Variants in QSOX2 observed in about 807,000 individuals in gnomAD.
QSOX2 encodes quiescin sulfhydryl oxidase 2.
Under a neutral mutation model 61.7 loss-of-function variants are expected in QSOX2, and 46 were observed. That is an observed-to-expected ratio of 0.75 (90% confidence interval 0.59 to 0.95). QSOX2 has a LOEUF of 0.95. QSOX2 is among the 40% of genes least tolerant of loss of function. QSOX2 has a pLI of 0.00. For synonymous variants in QSOX2, 383 were observed against 388.4 expected, an observed-to-expected ratio of 0.99 and a Z score of 0.16; for missense variants, 879 against 918.9, an observed-to-expected ratio of 0.96 and a Z score of 0.56.
intron 1 of QSOX2, among the ~76,000 whole-genome samples, chr9:136,239,612 G>A (rs761291864): frequency 3.9e-5 from 6 of 152,262 alleles, no homozygotes; most frequent in African/African-American, 9.6e-5. Context: ...ACTGCAGGGC[G>A]AGGGAAGTCC....
chr9:136,224,728 A>C (rs1174368936), intron 3 of QSOX2, 133 bp downstream of exon 3: 6 of 545,064 alleles, frequency 1.1e-5, no homozygotes, highest in Non-Finnish European at 2.0e-5. Flanking sequence ...TCTTAAGGGA[A>C]AGCAGGCAGG....
chr9:136,231,038 G>A (rs1830324548), intron 1 of QSOX2, among the ~76,000 whole-genome samples: 1 of 152,180 alleles, frequency 6.6e-6, no homozygotes, highest in Non-Finnish European at 1.5e-5. Context: ...GCCTCCGACC[G>A]GCCTTGTTTC....
chr9:136,208,393 T>TGTG lies in QSOX2; in HGVS notation c.*332_*334dup, dbSNP rs1005624996. 5 of 194,750 alleles carry TGTG rather than the reference T, an allele frequency of 2.6e-5. No homozygotes were observed. Among genetic ancestry groups the TGTG allele is most frequent in the Non-Finnish European group, 4.1e-5 (4 of 97,158 alleles). 12.1% of individuals were successfully genotyped at this position (194,750 alleles called of 1,614,324 possible). A position where few individuals can be genotyped will look rare whatever the true frequency, so the allele number is the denominator to read the frequency against. ...GAGTGGAGGAAACGAGATGAAAGTG[T>TGTG]GTGGGGAAGACTATCTGGCCTGGAC... On this transcript the variant is annotated 3_prime_UTR_variant, in exon 12 of 12. Coordinates refer to ENST00000358701, the MANE Select transcript of QSOX2 (RefSeq NM_181701.4).
chr9:136,238,032 C>T (rs1043472300), intron 1 of QSOX2, among the ~76,000 whole-genome samples: 9 of 152,136 alleles, frequency 5.9e-5, no homozygotes, highest in South Asian at 2.1e-4. Context: ...ATGAGGTCGG[C>T]GAGCTCACGA....
chr9:136,210,989 C>G (rs992540363), intron 11 of QSOX2: 1 of 769,274 alleles, frequency 1.3e-6, no homozygotes, highest in Non-Finnish European at 1.6e-6. Flanking sequence ...CAGTGGGTAC[C>G]GATGGGGGAA....
In QSOX2 at chr9:136,221,040, C is replaced by T. The variant is rs188751711; in HGVS notation, c.821+756G>A. ...TCATTGGGCTTATCCGAGGGGCACA[C>T]AGGCACTCCACGCAGAGGCAAAGGG... On this transcript the variant is annotated intron_variant, in intron 6 of 11. Coordinates refer to ENST00000358701, the MANE Select transcript of QSOX2 (RefSeq NM_181701.4). This position sits in a 1 kb window ranked among gnomAD's most constrained non-coding sequence, Gnocchi z 4.5. Among the ~76,000 whole-genome samples, 69 of 152,332 alleles carry T rather than the reference C, an allele frequency of 4.5e-4. No homozygotes were observed. Among genetic ancestry groups the T allele is most frequent in the Admixed American group, 2.2e-3 (33 of 15,308 alleles).
At chr9:136,236,759 G>C (rs1830386270) in intron 1 of QSOX2, among the ~76,000 whole-genome samples, 1 of 151,788 alleles carries the variant, frequency 6.6e-6, no homozygotes, top group African/African-American at 2.4e-5. Flanking sequence ...CCCGTCCTGG[G>C]CCAGCGTCAC....
intron 6 of QSOX2, 124 bp from the exon 7 acceptor site, chr9:136,219,288 G>A (rs1831953448): frequency 8.3e-7 from 1 of 1,210,238 alleles, no homozygotes; most frequent in East Asian, 2.5e-5. Flanking sequence ...TTGGGGCATG[G>A]GAGTCAGTGG....
chr9:136,240,167 C>T (rs1013051518), intron 1 of QSOX2, among the ~76,000 whole-genome samples: 1 of 152,236 alleles, frequency 6.6e-6, no homozygotes, highest in Non-Finnish European at 1.5e-5. Flanking sequence ...AATGAGACCG[C>T]AGGCCTATTC....
At chr9:136,226,922 G>C (rs752223419) in intron 1 of QSOX2, 48 bp from the exon 2 acceptor site, 1 of 1,540,258 alleles carries the variant, frequency 6.5e-7, no homozygotes, top group South Asian at 1.1e-5. Context: ...CTGGACTCCC[G>C]GGAAGCCCAG....
intron 8 of QSOX2, 102 bp from the exon 9 acceptor site, chr9:136,216,824 A>G (rs1831919983): frequency 6.9e-7 from 1 of 1,443,164 alleles, no homozygotes; most frequent in African/African-American, 1.4e-5. Flanking sequence ...CCATCCGCAG[A>G]GGGGCTGAAC....
intron 1 of QSOX2, among the ~76,000 whole-genome samples, chr9:136,232,895 TG>T (rs1830343688): frequency 8.5e-6 from 1 of 118,216 alleles, no homozygotes; most frequent in South Asian, 2.5e-4. Context: ...CACTCCAGCC[TG>T]GGTAGAGTGA....
At position 136,221,561 on chromosome 9, in the gene QSOX2, G is replaced by A. The variant is rs115416497; in HGVS notation, c.821+235C>T. 5.8e-3 allele frequency among the ~76,000 whole-genome samples: 883 copies of A among 152,316 alleles called. 7 individuals carry two copies. The highest frequency in any genetic ancestry group is 0.02 in the African/African-American group (835 of 41,546). On this transcript the variant is annotated intron_variant, in intron 6 of 11. Transcript: ENST00000358701. The surrounding 1 kb of genome is among the most constrained non-coding windows in gnomAD (Gnocchi z 4.5). ...TCTGCGACTCTTGGTAAGTCACCAC[G>A]CCAGGCTCCTCCTAGGTGCGGGGAC...
intron 1 of QSOX2, among the ~76,000 whole-genome samples, chr9:136,229,417 T>C (rs1830310966): frequency 6.6e-6 from 1 of 152,242 alleles, no homozygotes; most frequent in South Asian, 2.1e-4. Context: ...TGGCGAAGTG[T>C]CTCATTTCTG....
chr9:136,221,783 C>T lies in QSOX2; in HGVS notation c.821+13G>A. 6.3e-7 allele frequency: 1 copy of T among 1,583,106 alleles called. No individual in the cohort carries two copies. The highest frequency in any genetic ancestry group is 2.3e-5 in the East Asian group (1 of 43,744). ...AGCGGCACGGAGTTCCCAGACCCCA[C>T]CCGGGCACTCACACGTTAATCAATC... On this transcript the variant is annotated intron_variant, in intron 6 of 11. Coordinates refer to ENST00000358701, the MANE Select transcript of QSOX2 (RefSeq NM_181701.4). This position sits in a 1 kb window ranked among gnomAD's most constrained non-coding sequence, Gnocchi z 4.5.
intron 11 of QSOX2, chr9:136,210,313 G>A: frequency 1.0e-6 from 1 of 985,498 alleles, no homozygotes; most frequent in Non-Finnish European, 1.2e-6. Context: ...AATCTCAGGA[G>A]TGACAATCAC....
At chr9:136,240,833 A>G (rs1156359895) in intron 1 of QSOX2, among the ~76,000 whole-genome samples, 1 of 152,200 alleles carries the variant, frequency 6.6e-6, no homozygotes, top group African/African-American at 2.4e-5. Flanking sequence ...CACGTTCTTC[A>G]GCCTCGAAGG....
intron 8 of QSOX2, 49 bp downstream of exon 8, chr9:136,218,630 G>T (rs1333659369): frequency 6.3e-7 from 1 of 1,592,866 alleles, no homozygotes; most frequent in South Asian, 1.1e-5. Flanking sequence ...GGCCCACTCT[G>T]TGCAGAGCCA....
rs570497888 is a variant in QSOX2 at position 136,241,540 on chromosome 9, C to G, written c.328+3936G>C. Among the ~76,000 whole-genome samples, 157 of 152,288 alleles carry G rather than the reference C, an allele frequency of 1.0e-3. 1 individual carries two copies. Among genetic ancestry groups the G allele is most frequent in the African/African-American group, 3.6e-3 (148 of 41,550 alleles). Reference sequence around the variant, plus strand: ...CAAGAGATGTCGGATGTGTCCAGCTCCCAACCCCCACCTGTCCTCTACAAA... The same window carrying G: ...CAAGAGATGTCGGATGTGTCCAGCTGCCAACCCCCACCTGTCCTCTACAAA... On this transcript the variant is annotated intron_variant, in intron 1 of 11. Transcript: ENST00000358701.
Sources: gnomAD v4.1 joint callset for allele counts (sites outside exome capture counted in the v4.1 genomes callset) on GRCh38, gnomAD v4.1.1 for gene constraint, Gnocchi (gnomAD v3.1) non-coding constraint, MANE v1.5 for transcripts, NCBI Gene and HGNC (gene_info 2026-07-23, HGNC 2026-07-21) for gene names.